COL24A1: variants seen among roughly 807,000 people sequenced by gnomAD.
The protein encoded by COL24A1 is collagen alpha-1(XXIV) chain.
In COL24A1, 224 loss-of-function variants were observed where a neutral mutation model predicts 253.9. The ratio of observed to expected loss-of-function variants is 0.88; its 90% CI spans 0.79 to 0.99. The LOEUF (loss-of-function observed/expected upper bound fraction) is 0.99. COL24A1 is among the 50% of genes least tolerant of loss of function. The pLI is 0.00. For synonymous variants in COL24A1, 685 were observed against 673.7 expected (o/e 1.02, Z -0.26); for missense variants, 2,131 against 2,068.5 (o/e 1.03, Z -0.59).
chr1:86,124,746 G>T, intron 3 of COL24A1, 99 bp downstream of exon 3: 1 of 860,784 alleles, frequency 1.2e-6, no homozygotes, highest in Non-Finnish European at 1.7e-6. Context: ...TATCTGTTAT[G>T]TATTGTTTGG....
chr1:86,119,363 T>G (rs1267870099), intron 3 of COL24A1, among the ~76,000 whole-genome samples: 1 of 152,134 alleles, frequency 6.6e-6, no homozygotes, highest in African/African-American at 2.4e-5. Context: ...TGATAAGGTT[T>G]AAGGGAATGT....
chr1:86,047,724 T>TA (rs1318023197), intron 11 of COL24A1, among the ~76,000 whole-genome samples: 2 of 152,030 alleles, frequency 1.3e-5, no homozygotes, highest in Admixed American at 6.6e-5. Context: ...TGTACATATA[T>TA]AAAACCATTC....
At chr1:86,075,068 C>A (rs376318622) in intron 7 of COL24A1, among the ~76,000 whole-genome samples, 5 of 151,246 alleles carry the variant, frequency 3.3e-5, no homozygotes, top group African/African-American at 9.7e-5. Flanking sequence ...GATAGAGACA[C>A]GAAAAACTCT....
intron 57 of COL24A1, among the ~76,000 whole-genome samples, chr1:85,738,811 T>A (rs4379699): frequency 0.9 from 136,894 of 152,168 alleles, 62,328 homozygotes; most frequent in Non-Finnish European, 0.97. Flanking sequence ...CTAATCCCTC[T>A]AAATGCTTAC....
intron 24 of COL24A1, among the ~76,000 whole-genome samples, chr1:85,940,194 G>A (rs1688615563): frequency 1.3e-5 from 1 of 76,104 alleles, no homozygotes; most frequent in Non-Finnish European, 3.0e-5. Context: ...CACGAGGTCA[G>A]GAGATCGAGA....
At chr1:85,879,899 A>G (rs992198893) in intron 32 of COL24A1, among the ~76,000 whole-genome samples, 1 of 152,130 alleles carries the variant, frequency 6.6e-6, no homozygotes, top group Non-Finnish European at 1.5e-5. Context: ...GTACTTGTCT[A>G]TTCTTTTGCC....
chr1:85,982,866 G>T (rs918148851), intron 20 of COL24A1, among the ~76,000 whole-genome samples: 1 of 151,926 alleles, frequency 6.6e-6, no homozygotes, highest in Non-Finnish European at 1.5e-5. Flanking sequence ...ATGTTACCTG[G>T]AGAATAAATG....
intron 47 of COL24A1, among the ~76,000 whole-genome samples, chr1:85,799,216 A>AAAGAAAGAAAGAAAGG (rs1558168995): frequency 1.7e-5 from 1 of 59,622 alleles, no homozygotes; most frequent in Admixed American, 1.4e-4. Flanking sequence ...CACATAAAAG[A>AAAGAAAGAAAGAAAGG]AAGAAAGAAA....
At chr1:85,857,458 C>CAAAAAAA (rs57368737) in intron 37 of COL24A1, among the ~76,000 whole-genome samples, 2 of 94,494 alleles carry the variant, frequency 2.1e-5, no homozygotes, top group African/African-American at 4.2e-5. Context: ...CCCTCTTCTC[C>CAAAAAAA]AAAAAAAAAA....
chr1:85,954,148 C>A (rs1392074835), intron 24 of COL24A1, among the ~76,000 whole-genome samples: 2 of 152,082 alleles, frequency 1.3e-5, no homozygotes, highest in Non-Finnish European at 2.9e-5. Context: ...TTTAATATGG[C>A]ACGTATAATA....
At chr1:86,156,282 A>G (rs953177361) in intron 1 of COL24A1, 59 bp downstream of exon 1, 7 of 1,514,592 alleles carry the variant, frequency 4.6e-6, no homozygotes, top group Non-Finnish European at 4.5e-6. Flanking sequence ...CAGCAGAACC[A>G]GGGGGTGGAG....
At chr1:86,031,677 C>A (rs1022886165) in intron 14 of COL24A1, among the ~76,000 whole-genome samples, 9 of 152,024 alleles carry the variant, frequency 5.9e-5, no homozygotes, top group African/African-American at 2.2e-4. Flanking sequence ...TTTTTCTTAT[C>A]ATAAAATACA....
chr1:86,100,714 C>G (rs572747002), intron 5 of COL24A1, among the ~76,000 whole-genome samples: 1 of 152,172 alleles, frequency 6.6e-6, no homozygotes, highest in East Asian at 1.9e-4. Context: ...CTTTCCCCTA[C>G]CCCCTCTGCC....
intron 28 of COL24A1, among the ~76,000 whole-genome samples, 156 bp from the exon 29 acceptor site, chr1:85,896,565 G>A (rs919979506): frequency 2.6e-5 from 4 of 151,932 alleles, no homozygotes; most frequent in Non-Finnish European, 5.9e-5. Flanking sequence ...GCGCGTCTCG[G>A]CTCACTGCAA....
chr1:86,104,687 T>TGTAGTTA (rs1557639318), intron 5 of COL24A1, among the ~76,000 whole-genome samples: 9 of 152,222 alleles, frequency 5.9e-5, no homozygotes, highest in African/African-American at 2.2e-4. Context: ...GCTCTAACAC[T>TGTAGTTA]GAGGGACTGA....
chr1:86,038,819 G>C (rs937559603), intron 12 of COL24A1, among the ~76,000 whole-genome samples: 1 of 151,952 alleles, frequency 6.6e-6, no homozygotes, highest in Non-Finnish European at 1.5e-5. Flanking sequence ...CACCAACTTG[G>C]CCAGCAAGTG....
chr1:85,817,994 T>C (rs2101938994), intron 46 of COL24A1, 40 bp downstream of exon 46: 1 of 1,581,010 alleles, frequency 6.3e-7, no homozygotes, highest in East Asian at 2.2e-5. Flanking sequence ...GCCAGTTCCA[T>C]TTAGAAAAGC....
chr1:85,821,049 CT>C (rs1210000462), intron 45 of COL24A1, among the ~76,000 whole-genome samples: 1 of 152,018 alleles, frequency 6.6e-6, no homozygotes, highest in Non-Finnish European at 1.5e-5. Context: ...ATTATTCTTT[CT>C]TTTTTCACCA....
chr1:85,972,041 T>C (rs1308952615), intron 20 of COL24A1, among the ~76,000 whole-genome samples: 1 of 152,172 alleles, frequency 6.6e-6, no homozygotes, highest in Non-Finnish European at 1.5e-5. Context: ...AAGTTAATTA[T>C]TTTTAAAAAG....
Sources: gnomAD v4.1 joint callset for allele counts (sites outside exome capture counted in the v4.1 genomes callset) on GRCh38, gnomAD v4.1.1 for gene constraint, MANE v1.5 for transcripts, NCBI Gene and HGNC (gene_info 2026-07-23, HGNC 2026-07-21) for gene names.